Variants in ZNF592 observed in about 807,000 individuals in gnomAD.
The protein encoded by ZNF592 is spinocerebellar ataxia, autosomal recessive 5.
A neutral mutation model predicts 80.3 loss-of-function variants in ZNF592; 11 were observed. The observed-to-expected ratio is 0.14, with a 90% CI of 0.09 to 0.23. ZNF592 has a LOEUF of 0.23. ZNF592 is among the 10% of genes least tolerant of loss of function. ZNF592 has a pLI of 1.00. For missense variants in ZNF592, 1,420 were observed against 1,633.9 expected (o/e 0.87, Z 2.26); for synonymous variants, 646 against 640.3 (o/e 1.01, Z -0.13).
At chr15:84,763,919 G>A (rs1340601593) in intron 1 of ZNF592, among the ~76,000 whole-genome samples, 3 of 152,202 alleles carry the variant, frequency 2.0e-5, no homozygotes, top group Non-Finnish European at 4.4e-5. Context: ...CCAAGTATTA[G>A]TAGCTTCCAA....
At chr15:84,750,596 T>C (rs1898986772) in intron 1 of ZNF592, among the ~76,000 whole-genome samples, 1 of 152,164 alleles carries the variant, frequency 6.6e-6, no homozygotes, top group Admixed American at 6.5e-5. Context: ...TAAGAAGGTG[T>C]CTTTCGAGTA....
chr15:84,781,237 G>C, intron 3 of ZNF592, among the ~76,000 whole-genome samples: 1 of 151,894 alleles, frequency 6.6e-6, no homozygotes, highest in East Asian at 1.9e-4. Flanking sequence ...TAGTAGAGAT[G>C]GGGTTTCATC....
At chr15:84,764,153 A>C (rs1899430784) in intron 1 of ZNF592, among the ~76,000 whole-genome samples, 1 of 152,150 alleles carries the variant, frequency 6.6e-6, no homozygotes, top group Non-Finnish European at 1.5e-5. Context: ...CATCCCGAGC[A>C]CTGGAGGAGG....
intron 2 of ZNF592, among the ~76,000 whole-genome samples, chr15:84,771,418 G>A (rs1392557714): frequency 6.6e-6 from 1 of 152,052 alleles, no homozygotes; most frequent in Non-Finnish European, 1.5e-5. Context: ...CTCTAGTCAG[G>A]GGGATAGCTC....
chr15:84,755,833 C>G (rs1899153513), intron 1 of ZNF592, among the ~76,000 whole-genome samples: 1 of 152,138 alleles, frequency 6.6e-6, no homozygotes, highest in South Asian at 2.1e-4. Context: ...GGGTAAGATG[C>G]TTTTGTTAGA....
At chr15:84,800,174 GC>G (rs1963050332) in intron 10 of ZNF592, among the ~76,000 whole-genome samples, 197 bp downstream of exon 10, 1 of 152,216 alleles carries the variant, frequency 6.6e-6, no homozygotes, top group Non-Finnish European at 1.5e-5. Flanking sequence ...CCATAAGGTG[GC>G]CTGTCAGCCT....
Position 84,799,781 on chromosome 15 carries a change from A to C in ZNF592, c.3138-61A>C. On this transcript the variant is annotated intron_variant, in intron 9 of 10. Coordinates refer to ENST00000560079, the MANE Select transcript of ZNF592 (RefSeq NM_014630.3). The surrounding 1 kb of genome is among the most constrained non-coding windows in gnomAD (Gnocchi z 4.2). ...TCCCTCCTTCCTGGCCTTGGTGTGA[A>C]TAGCACTGAGGGAGCCTGCGGCCCG... 1.2e-6 allele frequency: 2 copies of C among 1,608,858 alleles called. No individual in the cohort carries two copies. Among genetic ancestry groups the C allele is most frequent in the Non-Finnish European group, 1.7e-6 (2 of 1,179,600 alleles).
In ZNF592 at chr15:84,798,920, A is replaced by T. The variant is rs772097231; in HGVS notation, c.3024+45A>T. ...CATAATGCAGAGCCCAGTCCTCTGG[A>T]CTTCCTTCTGTGAAGCCAGAACCCC... On this transcript the variant is annotated intron_variant, in intron 8 of 10. Coordinates refer to ENST00000560079, the MANE Select transcript of ZNF592 (RefSeq NM_014630.3). This position sits in a 1 kb window ranked among gnomAD's most constrained non-coding sequence, Gnocchi z 4.5. 5 of 1,597,988 alleles carry T rather than the reference A, an allele frequency of 3.1e-6. No individual in the cohort carries two copies. Among genetic ancestry groups the T allele is most frequent in the Non-Finnish European group, 4.2e-6 (5 of 1,177,950 alleles).
chr15:84,800,486 G>T (rs1306483273), intron 10 of ZNF592, among the ~76,000 whole-genome samples: 1 of 152,132 alleles, frequency 6.6e-6, no homozygotes. Flanking sequence ...GAGCAGCCTG[G>T]TTTTTCCTCC....
intron 1 of ZNF592, chr15:84,753,143 G>A (rs1274997423): frequency 6.6e-6 from 1 of 152,206 alleles, no homozygotes; most frequent in Non-Finnish European, 1.5e-5. Flanking sequence ...GTGGGATCCT[G>A]TATTTGTGAA....
intron 4 of ZNF592, 22 bp from the exon 5 acceptor site, chr15:84,790,683 C>T (rs1224189217): frequency 1.9e-6 from 3 of 1,613,970 alleles, no homozygotes; most frequent in Admixed American, 3.3e-5. Flanking sequence ...GCATGATCTG[C>T]TTTCTTGGTG....
intron 2 of ZNF592, among the ~76,000 whole-genome samples, chr15:84,775,947 T>C (rs1359988231): frequency 2.6e-5 from 4 of 152,264 alleles, no homozygotes; most frequent in African/African-American, 4.8e-5. Flanking sequence ...AGGTAGAAAC[T>C]TATTCTGAGA....
intron 3 of ZNF592, 104 bp from the exon 4 acceptor site, chr15:84,782,553 C>A: frequency 1.9e-6 from 2 of 1,073,526 alleles, no homozygotes; most frequent in Non-Finnish European, 1.4e-6. Context: ...TGGGGTTCTG[C>A]ATGGGTGTGC....
rs748157975 is a variant in ZNF592 at position 84,802,380 on chromosome 15, C to T, written c.3791C>T (p.Ser1264Phe). Residue 1264 changes from serine to phenylalanine, a missense_variant, in exon 11 of 11, where the codon TCC (serine) becomes TTC (phenylalanine). Ser to Phe is a radical substitution (Grantham distance 155). This residue lies in a region of ZNF592 where 24 missense variants were observed against 16.7 expected (regional missense o/e 1.44). Transcript: ENST00000560079. ...CAGGACCAGGACAGCCACACACTGT[C>T]CCCTCAGGTGTGACCGGAGACTTTG... ...ASQDQDSHTL[S>F]PQV 1.5e-5 allele frequency: 25 copies of T among 1,613,640 alleles called. No individual in the cohort carries two copies. The highest frequency in any genetic ancestry group is 2.1e-5 in the Non-Finnish European group (25 of 1,180,026).
At chr15:84,776,498 G>A (rs564946093) in intron 2 of ZNF592, among the ~76,000 whole-genome samples, 1 of 152,224 alleles carries the variant, frequency 6.6e-6, no homozygotes, top group Admixed American at 6.5e-5. Context: ...GCTCATGCCT[G>A]TAACCCCAGC....
Position 84,799,331 on chromosome 15 carries a change from A to G in ZNF592, c.3137+121A>G, listed in dbSNP as rs1963027126. On this transcript the variant is annotated intron_variant, in intron 9 of 10. Coordinates refer to ENST00000560079, the MANE Select transcript of ZNF592 (RefSeq NM_014630.3). The surrounding 1 kb of genome is among the most constrained non-coding windows in gnomAD (Gnocchi z 4.2). Reference sequence around the variant, plus strand: ...TAAGACAAGAGACAAGTGATTTCCAACTGGAAGAAATTGCGGCTAAGTCAG... The same window carrying G: ...TAAGACAAGAGACAAGTGATTTCCAGCTGGAAGAAATTGCGGCTAAGTCAG... 1.8e-6 allele frequency: 2 copies of G among 1,084,604 alleles called. No individual in the cohort carries two copies. Among genetic ancestry groups the G allele is most frequent in the Non-Finnish European group, 2.8e-6 (2 of 712,436 alleles). The allele number at this position is 1,084,604 out of a possible 1,614,324, so 67.2% of individuals were successfully genotyped here.
At chr15:84,767,524 C>T (rs898256194) in intron 2 of ZNF592, among the ~76,000 whole-genome samples, 1 of 152,090 alleles carries the variant, frequency 6.6e-6, no homozygotes, top group African/African-American at 2.4e-5. Flanking sequence ...ATCTCTGGGT[C>T]CTGTTTCCTT....
At chr15:84,775,463 C>A (rs777719294) in intron 2 of ZNF592, among the ~76,000 whole-genome samples, 1 of 151,748 alleles carries the variant, frequency 6.6e-6, no homozygotes, top group Non-Finnish European at 1.5e-5. Context: ...GACAGAGTCT[C>A]GCTCTGTTGC....
chr15:84,800,885 T>C (rs1364814521), intron 10 of ZNF592, among the ~76,000 whole-genome samples: 2 of 152,248 alleles, frequency 1.3e-5, no homozygotes, highest in African/African-American at 2.4e-5. Context: ...ATGTCTGCCG[T>C]TGGGGACTTC....
Sources: allele counts gnomAD v4.1 joint callset (sites outside exome capture counted in the v4.1 genomes callset), GRCh38; gene constraint gnomAD v4.1.1; regional missense constraint gnomAD v4.1.1; non-coding constraint Gnocchi (gnomAD v3.1); transcripts MANE v1.5; gene names NCBI Gene and HGNC (gene_info 2026-07-23, HGNC 2026-07-21).